The following PCDHGB7 variants were observed in gnomAD, a reference collection of about 807,000 sequenced individuals.
PCDHGB7 encodes protocadherin gamma subfamily B, 7.
A neutral mutation model predicts 61.4 loss-of-function variants in PCDHGB7; 37 were observed. The observed-to-expected ratio is 0.60, with a 90% CI of 0.46 to 0.79. The LOEUF is 0.79. Among genes scored for constraint, PCDHGB7 ranks in the 30% least tolerant of loss-of-function variants. The pLI is 0.00. For missense variants in PCDHGB7, 1,166 were observed against 1,202.5 expected (o/e 0.97, Z 0.45); for synonymous variants, 464 against 503.5 (o/e 0.92, Z 1.05).
Position 141,419,430 on chromosome 5 carries a change from A to T in PCDHGB7, c.1571A>T (p.Gln524Leu). Residue 524 changes from glutamine (Q) to leucine (L), a missense_variant, in exon 1 of 4, where the codon CAG becomes CTG. Gln to Leu is a moderately radical substitution (Grantham distance 113). Transcript: ENST00000398594. ...VFAQRAFDHE[Q>L]LRTFELTLQA... is the part of the protein sequence containing the mutation. ...GCGCAGCGCGCCTTCGACCACGAGC[A>T]GCTGCGCACCTTCGAGCTCACGCTG... is the stretch of plus-strand genomic sequence containing the variant. 1.2e-6 allele frequency: 2 copies of T among 1,613,318 alleles called. No individual in the cohort carries two copies. The highest frequency in any genetic ancestry group is 1.7e-6 in the Non-Finnish European group (2 of 1,179,846).
intron 1 of PCDHGB7, chr5:141,475,839 CAG>C: frequency 2.3e-6 from 1 of 433,254 alleles, no homozygotes; most frequent in Non-Finnish European, 4.1e-6. Flanking sequence ...GTGTCCTGCT[CAG>C]AGAGCCCGGC....
At chr5:141,430,689 T>A in intron 1 of PCDHGB7, 1 of 1,408,998 alleles carries the variant, frequency 7.1e-7, no homozygotes, top group Non-Finnish European at 9.4e-7. Flanking sequence ...TCCCATTCTA[T>A]GGGCGAAGGA....
chr5:141,451,976 A>T (rs2098729884), intron 1 of PCDHGB7, among the ~76,000 whole-genome samples: 1 of 152,164 alleles, frequency 6.6e-6, no homozygotes, highest in Non-Finnish European at 1.5e-5. Flanking sequence ...TTTTTGCTGT[A>T]GTTTGTTCAT....
intron 1 of PCDHGB7, among the ~76,000 whole-genome samples, chr5:141,437,457 T>C (rs527469937): frequency 7.2e-5 from 11 of 152,358 alleles, no homozygotes; most frequent in Non-Finnish European, 1.5e-4. Flanking sequence ...GAGGAGACTA[T>C]ACTATACTTT....
At position 141,489,786 on chromosome 5, in the gene PCDHGB7, G is replaced by A. The variant is rs758119518; in HGVS notation, c.2416-5021G>A. 8.7e-6 allele frequency: 14 copies of A among 1,614,194 alleles called. No individual in the cohort carries two copies. Among genetic ancestry groups the A allele is most frequent in the Non-Finnish European group, 1.2e-5 (14 of 1,180,014 alleles). ...CCAACAGCCACTTCTCTCTGAATGTGAAGACCCTAAAAGATGGGAAGCCAT... is the reference window on the plus strand; with the variant it reads ...CCAACAGCCACTTCTCTCTGAATGTAAAGACCCTAAAAGATGGGAAGCCAT... On this transcript the variant is annotated intron_variant, in intron 1 of 3. Transcript: ENST00000398594. This position sits in a 1 kb window ranked among gnomAD's most constrained non-coding sequence, Gnocchi z 4.5.
chr5:141,479,606 T>TA (rs1315315740), intron 1 of PCDHGB7: 1 of 152,184 alleles, frequency 6.6e-6, no homozygotes, highest in Non-Finnish European at 1.5e-5. Context: ...GCCTAGGCAA[T>TA]ATAGGGAAAC....
Position 141,420,187 on chromosome 5 carries a change from C to G in PCDHGB7, c.2328C>G (p.Ala776=), listed in dbSNP as rs1369031488. Reference sequence around the variant, plus strand: ...TCACATCTGTTGATCATTGTCCAGCCACACAAGATAACCTCAACAAAGATA... The same window carrying G: ...TCACATCTGTTGATCATTGTCCAGCGACACAAGATAACCTCAACAAAGATA... ...NFFTSVDHCP[A]TQDNLNKDSM... Residue 776 remains alanine (A), a synonymous_variant, in exon 1 of 4, where the codon GCC becomes GCG. Coordinates refer to ENST00000398594, the MANE Select transcript of PCDHGB7 (RefSeq NM_018927.4). 6.2e-7 allele frequency: 1 copy of G among 1,613,706 alleles called. No homozygotes were observed. Among genetic ancestry groups the G allele is most frequent in the East Asian group, 2.2e-5 (1 of 44,902 alleles).
At chr5:141,462,019 C>T (rs1276421563) in intron 1 of PCDHGB7, among the ~76,000 whole-genome samples, 6 of 152,178 alleles carry the variant, frequency 3.9e-5, no homozygotes, top group Non-Finnish European at 8.8e-5. Flanking sequence ...GACGGGGTTT[C>T]TTCATGTTGG....
intron 1 of PCDHGB7, chr5:141,426,496 G>A: frequency 3.0e-6 from 1 of 337,022 alleles, no homozygotes; most frequent in South Asian, 2.4e-5. Flanking sequence ...AGTTAGTGCA[G>A]AGAAACAATA....
At chr5:141,496,698 C>T (rs2099770595) in intron 2 of PCDHGB7, among the ~76,000 whole-genome samples, 1 of 152,196 alleles carries the variant, frequency 6.6e-6, no homozygotes, top group Non-Finnish European at 1.5e-5. Context: ...CCAACCTTCT[C>T]ATAAGTTATC....
intron 1 of PCDHGB7, among the ~76,000 whole-genome samples, chr5:141,452,674 G>A (rs2098746885): frequency 6.6e-6 from 1 of 151,936 alleles, no homozygotes; most frequent in Non-Finnish European, 1.5e-5. Context: ...TCCAGCCTAG[G>A]CCACAGAATG....
Position 141,489,646 on chromosome 5 carries a change from C to G in PCDHGB7, c.2416-5161C>G, listed in dbSNP as rs1274955075. The G allele has an allele frequency of 1.2e-6, 2 of 1,614,186 alleles. No individual in the cohort carries two copies. Among genetic ancestry groups the G allele is most frequent in the Non-Finnish European group, 1.7e-6 (2 of 1,180,022 alleles). ...TGACAACTCTCCTAGCTTTGCCACC[C>G]CTGAGCGAGAGATGCGCATCTCAGA... On this transcript the variant is annotated intron_variant, in intron 1 of 3. Coordinates refer to ENST00000398594, the MANE Select transcript of PCDHGB7 (RefSeq NM_018927.4). The surrounding 1 kb of genome is among the most constrained non-coding windows in gnomAD (Gnocchi z 4.5).
chr5:141,431,833 AAACTCT>A lies in PCDHGB7; in HGVS notation c.2415+11560_2415+11565del. The A allele has an allele frequency of 1.2e-6, 2 of 1,614,278 alleles. No homozygotes were observed. Among genetic ancestry groups the A allele is most frequent in the Non-Finnish European group, 1.7e-6 (2 of 1,180,044 alleles). ...CCTCTCTCGCCAGCTCGGTTCCCGA[AAACTCT>A]CCCAGAGGGACATTAATTGCCCTTT... is the stretch of plus-strand genomic sequence containing the variant. On this transcript the variant is annotated intron_variant, in intron 1 of 3. Transcript: ENST00000398594. This position sits in a 1 kb window ranked among gnomAD's most constrained non-coding sequence, Gnocchi z 4.8.
chr5:141,482,574 A>C (rs1294997781), intron 1 of PCDHGB7, among the ~76,000 whole-genome samples: 2 of 151,592 alleles, frequency 1.3e-5, no homozygotes, highest in Non-Finnish European at 2.9e-5. Context: ...GCATAGCATA[A>C]GATGCAGTGG....
At chr5:141,442,089 C>A in intron 1 of PCDHGB7, 1 of 170,684 alleles carries the variant, frequency 5.9e-6, no homozygotes, top group South Asian at 1.1e-4. Context: ...CTCGCTACCG[C>A]CACGTCACCA....
chr5:141,430,766 C>T, intron 1 of PCDHGB7: 1 of 1,504,534 alleles, frequency 6.6e-7, no homozygotes, highest in Non-Finnish European at 8.9e-7. Context: ...AAGAATGATT[C>T]CTGCGCGACT....
intron 1 of PCDHGB7, among the ~76,000 whole-genome samples, chr5:141,451,298 C>T (rs1221562397): frequency 6.6e-6 from 1 of 152,206 alleles, no homozygotes; most frequent in African/African-American, 2.4e-5. Context: ...CAAAGTCTTA[C>T]AAGGCAGCAA....
In PCDHGB7 at chr5:141,428,425, T is replaced by A. The variant is rs1193842204; in HGVS notation, c.2415+8151T>A. ...GGGTTGCTTTCACCCTGGTCTCTGT[T>A]CTAAGACTAGACCAGGGGTTTTTCC... On this transcript the variant is annotated intron_variant, in intron 1 of 3. Transcript: ENST00000398594. 4 of 436,598 alleles carry A rather than the reference T, an allele frequency of 9.2e-6. No homozygotes were observed. In the East Asian group the frequency reaches 1.9e-4, roughly 21 times the overall value. 27.0% of individuals were successfully genotyped at this position (436,598 alleles called of 1,614,324 possible). A position where few individuals can be genotyped will look rare whatever the true frequency, so the allele number is the denominator to read the frequency against.
rs542113846 is a variant in PCDHGB7 at position 141,433,037 on chromosome 5, A to G, written c.2415+12763A>G. ...GACCTATTCCCACGAGGTTTCCCTCACCACGGACTCGCGGAAGAGTCACCT... is the reference window on the plus strand; with the variant it reads ...GACCTATTCCCACGAGGTTTCCCTCGCCACGGACTCGCGGAAGAGTCACCT... On this transcript the variant is annotated intron_variant, in intron 1 of 3. Coordinates refer to ENST00000398594, the MANE Select transcript of PCDHGB7 (RefSeq NM_018927.4). 249 of 1,614,172 alleles carry G rather than the reference A, an allele frequency of 1.5e-4. 6 individuals are homozygous for G. The South Asian group carries it at 2.5e-3, about 16-fold the overall frequency.
Sources: gnomAD v4.1 joint callset for allele counts (sites outside exome capture counted in the v4.1 genomes callset) on GRCh38, gnomAD v4.1.1 for gene constraint, Gnocchi (gnomAD v3.1) non-coding constraint, MANE v1.5 for transcripts, NCBI Gene and HGNC (gene_info 2026-07-23, HGNC 2026-07-21) for gene names.